Variants in SYT9 observed in about 807,000 individuals in gnomAD.
The protein encoded by SYT9 is synaptotagmin-9.
Under a neutral mutation model 48.4 loss-of-function variants are expected in SYT9, and 22 were observed. The ratio of observed to expected loss-of-function variants is 0.45; its 90% CI spans 0.32 to 0.65. SYT9 has a LOEUF of 0.65. SYT9 is among the 30% of genes least tolerant of loss of function. The pLI is 0.03. For synonymous variants in SYT9, 265 were observed against 245.0 expected (o/e 1.08, Z -0.76); for missense variants, 577 against 622.0 (o/e 0.93, Z 0.77).
chr11:7,334,618 A>ACTG (rs1849601230), intron 3 of SYT9, among the ~76,000 whole-genome samples: 1 of 69,670 alleles, frequency 1.4e-5, no homozygotes, highest in Non-Finnish European at 3.5e-5. Context: ...CCCCTTTGTA[A>ACTG]CCTCTCCTGC....
intron 6 of SYT9, among the ~76,000 whole-genome samples, chr11:7,431,746 C>G (rs1847577272): frequency 6.6e-6 from 1 of 152,250 alleles, no homozygotes; most frequent in African/African-American, 2.4e-5. Flanking sequence ...GGCCCAGGTC[C>G]ACCTCCAGCT....
At chr11:7,261,377 G>C (rs546195772) in intron 1 of SYT9, among the ~76,000 whole-genome samples, 9 of 152,230 alleles carry the variant, frequency 5.9e-5, no homozygotes, top group African/African-American at 2.2e-4. Flanking sequence ...GGGGATGCCA[G>C]TTATTTGCTC....
chr11:7,248,688 C>T (rs1847823678), upstream of SYT9, among the ~76,000 whole-genome samples: 1 of 152,072 alleles, frequency 6.6e-6, no homozygotes, highest in Admixed American at 6.6e-5. Flanking sequence ...AGAGATGACA[C>T]AAACAAATGG....
chr11:7,242,672 G>A (rs1847751376), intron 1 of SYT9, among the ~76,000 whole-genome samples: 1 of 152,102 alleles, frequency 6.6e-6, no homozygotes, highest in Admixed American at 6.6e-5. Flanking sequence ...TTTATGGAGA[G>A]AATGAGAAAG....
intron 1 of SYT9, among the ~76,000 whole-genome samples, chr11:7,299,628 A>T (rs1056854675): frequency 2.0e-5 from 3 of 152,204 alleles, no homozygotes; most frequent in Admixed American, 6.5e-5. Context: ...TTCAAGGTAG[A>T]CGTAGCAGAT....
At chr11:7,327,982 T>G (rs1254960443) in intron 3 of SYT9, among the ~76,000 whole-genome samples, 2 of 115,806 alleles carry the variant, frequency 1.7e-5, no homozygotes, top group African/African-American at 3.3e-5. Flanking sequence ...AGATGACGAG[T>G]TAGTGGGTGC....
chr11:7,401,332 T>C (rs1297406737), intron 3 of SYT9, among the ~76,000 whole-genome samples: 1 of 150,660 alleles, frequency 6.6e-6, no homozygotes, highest in Non-Finnish European at 1.5e-5. Context: ...ATATATATCA[T>C]ATATAATGCA....
Position 7,451,532 on chromosome 11 carries a change from C to G in SYT9, c.1468-15260C>G, listed in dbSNP as rs138581492. ...CTTTGAGGACTCACCCCTCTTCCCCCTCTAACCATGTGGTTTGGGTAGAGG... is the reference window on the plus strand; with the variant it reads ...CTTTGAGGACTCACCCCTCTTCCCCGTCTAACCATGTGGTTTGGGTAGAGG... On this transcript the variant is annotated intron_variant, in intron 6 of 6. Coordinates refer to ENST00000318881, the MANE Select transcript of SYT9 (RefSeq NM_175733.4). Among the ~76,000 whole-genome samples the G allele has an allele frequency of 1.4e-3, 213 of 152,306 alleles. 1 individual carries two copies. Among genetic ancestry groups the G allele is most frequent in the Non-Finnish European group, 2.3e-3 (156 of 68,028 alleles).
chr11:7,351,056 C>T (rs1849905960), intron 3 of SYT9, among the ~76,000 whole-genome samples: 1 of 151,974 alleles, frequency 6.6e-6, no homozygotes, highest in South Asian at 2.1e-4. Flanking sequence ...ATCAAAGCGG[C>T]CAGCTAATAA....
intron 1 of SYT9, among the ~76,000 whole-genome samples, chr11:7,243,967 G>C (rs1204300737): frequency 6.6e-6 from 1 of 151,334 alleles, no homozygotes; most frequent in East Asian, 1.9e-4. Flanking sequence ...AAATTCATCT[G>C]TTGGTGGAGG....
At chr11:7,318,218 T>C (rs1490859952) in intron 3 of SYT9, among the ~76,000 whole-genome samples, 2 of 152,172 alleles carry the variant, frequency 1.3e-5, no homozygotes, top group Non-Finnish European at 1.5e-5. Flanking sequence ...CTTTTAAATG[T>C]TATCTTCTCT....
intron 6 of SYT9, among the ~76,000 whole-genome samples, chr11:7,426,183 G>C (rs1227144626): frequency 2.6e-5 from 4 of 151,972 alleles, no homozygotes; most frequent in Non-Finnish European, 5.9e-5. Context: ...AAGTACAAAG[G>C]CTACCTCGTG....
intron 3 of SYT9, among the ~76,000 whole-genome samples, chr11:7,409,325 T>C (rs1847087927): frequency 6.6e-6 from 1 of 151,814 alleles, no homozygotes; most frequent in East Asian, 1.9e-4. Context: ...AGGATTTATG[T>C]AGTTTTCTTT....
At chr11:7,325,282 T>C (rs936754519) in intron 3 of SYT9, among the ~76,000 whole-genome samples, 1 of 140,382 alleles carries the variant, frequency 7.1e-6, no homozygotes, top group African/African-American at 2.7e-5. Context: ...TCCTCTTTTA[T>C]TTCCTTGAGC....
intron 3 of SYT9, among the ~76,000 whole-genome samples, chr11:7,343,499 C>T (rs1047408338): frequency 1.3e-5 from 2 of 152,126 alleles, no homozygotes; most frequent in Non-Finnish European, 2.9e-5. Flanking sequence ...CAGTTCCCAA[C>T]AAATTCCTCA....
intron 3 of SYT9, among the ~76,000 whole-genome samples, chr11:7,385,346 G>GTT (rs1850637262): frequency 6.7e-6 from 1 of 148,470 alleles, no homozygotes; most frequent in African/African-American, 2.5e-5. Flanking sequence ...TGCTCTGTGT[G>GTT]TGTGTGTGTG....
chr11:7,265,879 A>G (rs1202191032), intron 1 of SYT9, among the ~76,000 whole-genome samples: 1 of 152,142 alleles, frequency 6.6e-6, no homozygotes, highest in Non-Finnish European at 1.5e-5. Flanking sequence ...CATACGGTAC[A>G]TAAACCCTGT....
intron 1 of SYT9, among the ~76,000 whole-genome samples, chr11:7,294,467 C>T (rs1848754988): frequency 6.6e-6 from 1 of 152,190 alleles, no homozygotes. Context: ...AATTGCTCTT[C>T]CAGCTGTGAA....
intron 3 of SYT9, among the ~76,000 whole-genome samples, chr11:7,331,527 T>C (rs1275502757): frequency 6.6e-6 from 1 of 152,012 alleles, no homozygotes; most frequent in African/African-American, 2.4e-5. Flanking sequence ...CTGGGCAACA[T>C]GGTGAAACCC....
Sources: allele counts gnomAD v4.1 joint callset (sites outside exome capture counted in the v4.1 genomes callset), GRCh38; gene constraint gnomAD v4.1.1; transcripts MANE v1.5; gene names NCBI Gene and HGNC (gene_info 2026-07-23, HGNC 2026-07-21).